The following LHFPL3 variants were observed in gnomAD, a reference collection of about 807,000 sequenced individuals.
The protein encoded by LHFPL3 is LHFPL tetraspan subfamily member 3.
In LHFPL3, 5 loss-of-function variants were observed where a neutral mutation model predicts 19.3. The ratio of observed to expected loss-of-function variants is 0.26; its 90% CI spans 0.14 to 0.54. The LOEUF (loss-of-function observed/expected upper bound fraction) is 0.54. Among genes scored for constraint, LHFPL3 ranks in the 20% least tolerant of loss-of-function variants. LHFPL3 has a pLI of 0.94. For missense variants in LHFPL3, 249 were observed against 307.4 expected (o/e 0.81, Z 1.42); for synonymous variants, 133 against 126.2 (o/e 1.05, Z -0.36).
chr7:104,655,713 T>C (rs1031219640), intron 1 of LHFPL3, among the ~76,000 whole-genome samples: 1 of 152,242 alleles, frequency 6.6e-6, no homozygotes, highest in African/African-American at 2.4e-5. Context: ...TAACTTATGC[T>C]GCATTATATG....
At chr7:104,645,980 G>A (rs1468556172) in intron 1 of LHFPL3, among the ~76,000 whole-genome samples, 1 of 152,054 alleles carries the variant, frequency 6.6e-6, no homozygotes, top group Non-Finnish European at 1.5e-5. Flanking sequence ...CTTTGGAATA[G>A]GACTTTAATT....
chr7:104,561,854 A>G (rs1015818294), intron 1 of LHFPL3, among the ~76,000 whole-genome samples: 1 of 152,090 alleles, frequency 6.6e-6, no homozygotes, highest in Non-Finnish European at 1.5e-5. Context: ...TGCTTCCTTC[A>G]GGAGCTCTTG....
At chr7:104,647,538 A>G (rs1305622594) in intron 1 of LHFPL3, among the ~76,000 whole-genome samples, 1 of 152,234 alleles carries the variant, frequency 6.6e-6, no homozygotes, top group African/African-American at 2.4e-5. Flanking sequence ...GTTATTCCAC[A>G]ACAAATATTT....
chr7:104,362,548 T>A (rs777210581), intron 1 of LHFPL3, among the ~76,000 whole-genome samples: 2 of 152,222 alleles, frequency 1.3e-5, no homozygotes. Context: ...CAGGTCTGCC[T>A]AACAGCAAAC....
Position 104,853,915 on chromosome 7 carries a change from T to C in LHFPL3, c.683-52272T>C, listed in dbSNP as rs143966660. On this transcript the variant is annotated intron_variant, in intron 2 of 2. Coordinates refer to ENST00000424859, the MANE Select transcript of LHFPL3 (RefSeq NM_199000.3). ...CTGACTGTAGGTAATTTCAATCTGA[T>C]TATCTGTTTACCCACCAGAGAAAAA... Among the ~76,000 whole-genome samples the C allele has an allele frequency of 9.2e-5, 14 of 152,294 alleles. 1 individual carries two copies. The East Asian group carries it at 2.5e-3, about 27-fold the overall frequency.
chr7:104,705,737 CTG>C (rs1170260336), intron 1 of LHFPL3, among the ~76,000 whole-genome samples: 1 of 152,184 alleles, frequency 6.6e-6, no homozygotes, highest in East Asian at 1.9e-4. Flanking sequence ...AGGAATTGAG[CTG>C]TCAGTCCCCA....
chr7:104,413,702 C>G (rs961763294), intron 1 of LHFPL3, among the ~76,000 whole-genome samples: 4 of 152,186 alleles, frequency 2.6e-5, no homozygotes, highest in Non-Finnish European at 5.9e-5. Flanking sequence ...TCCAGTGAAG[C>G]CTTTCTAGGC....
At chr7:104,640,934 G>A (rs542588539) in intron 1 of LHFPL3, among the ~76,000 whole-genome samples, 1 of 152,112 alleles carries the variant, frequency 6.6e-6, no homozygotes, top group African/African-American at 2.4e-5. Context: ...AAAAAGTTAC[G>A]TTTGATTTTG....
chr7:104,481,712 T>C (rs1413055880), intron 1 of LHFPL3, among the ~76,000 whole-genome samples: 3 of 152,096 alleles, frequency 2.0e-5, no homozygotes, highest in Non-Finnish European at 4.4e-5. Flanking sequence ...TCAGGCTAGA[T>C]AGTCAAAAGG....
At chr7:104,385,563 A>T (rs980402823) in intron 1 of LHFPL3, among the ~76,000 whole-genome samples, 2 of 152,168 alleles carry the variant, frequency 1.3e-5, no homozygotes, top group Non-Finnish European at 2.9e-5. Flanking sequence ...TATGCAGCCA[A>T]TCTGTCTCTC....
chr7:104,560,205 AG>A (rs1291644411), intron 1 of LHFPL3, among the ~76,000 whole-genome samples: 3 of 130,966 alleles, frequency 2.3e-5, no homozygotes, highest in Non-Finnish European at 4.7e-5. Flanking sequence ...AAAATGAGTT[AG>A]GGAGGATTCC....
At chr7:104,353,730 G>A (rs964633825) in intron 1 of LHFPL3, among the ~76,000 whole-genome samples, 11 of 152,180 alleles carry the variant, frequency 7.2e-5, no homozygotes, top group African/African-American at 2.4e-4. Context: ...AGCCATTTCT[G>A]TTTAAGGAGC....
intron 1 of LHFPL3, among the ~76,000 whole-genome samples, chr7:104,649,868 TG>T (rs1467618028): frequency 4.6e-5 from 7 of 152,180 alleles, no homozygotes; most frequent in Non-Finnish European, 4.4e-5. Flanking sequence ...AAAAGAAGCA[TG>T]GTCAGTTGTT....
chr7:104,852,731 C>T (rs961191913), intron 2 of LHFPL3, among the ~76,000 whole-genome samples: 8 of 152,196 alleles, frequency 5.3e-5, no homozygotes, highest in African/African-American at 1.9e-4. Context: ...TGTTAATAGT[C>T]GTATCTTTGA....
intron 2 of LHFPL3, among the ~76,000 whole-genome samples, chr7:104,778,301 T>TGCAGAGGCG (rs1794664161): frequency 6.6e-6 from 1 of 152,190 alleles, no homozygotes; most frequent in South Asian, 2.1e-4. Flanking sequence ...CCCACAACCT[T>TGCAGAGGCG]GTGCAGAGGC....
chr7:104,546,528 A>C (rs1057443419), intron 1 of LHFPL3, among the ~76,000 whole-genome samples: 4 of 152,204 alleles, frequency 2.6e-5, no homozygotes, highest in South Asian at 2.1e-4. Context: ...AATACTTGGG[A>C]TGAAAACTGC....
chr7:104,730,221 T>G (rs1228718692), intron 1 of LHFPL3, among the ~76,000 whole-genome samples: 2 of 152,192 alleles, frequency 1.3e-5, no homozygotes, highest in African/African-American at 4.8e-5. Flanking sequence ...ACATGTGTCT[T>G]TATAGCAGCA....
intron 1 of LHFPL3, among the ~76,000 whole-genome samples, chr7:104,732,757 T>G (rs1039274873): frequency 6.6e-6 from 1 of 152,086 alleles, no homozygotes; most frequent in South Asian, 2.1e-4. Context: ...TATTTCTTGC[T>G]TTCTGCTAGC....
chr7:104,493,740 A>G (rs1291203377), intron 1 of LHFPL3, among the ~76,000 whole-genome samples: 2 of 151,612 alleles, frequency 1.3e-5, no homozygotes, highest in Non-Finnish European at 2.9e-5. Flanking sequence ...CACAAACACT[A>G]TCTGAATTCA....
Sources: allele counts gnomAD v4.1 joint callset (sites outside exome capture counted in the v4.1 genomes callset), GRCh38; gene constraint gnomAD v4.1.1; transcripts MANE v1.5; gene names NCBI Gene and HGNC (gene_info 2026-07-23, HGNC 2026-07-21).